The following BCL2L1 variants were observed in gnomAD, a reference collection of about 807,000 sequenced individuals.
The protein encoded by BCL2L1 is BCL2 like 1.
Under a neutral mutation model 18.7 loss-of-function variants are expected in BCL2L1, and 1 was observed. The observed-to-expected ratio is 0.05, with a 90% CI of 0.02 to 0.25. The LOEUF (loss-of-function observed/expected upper bound fraction) is 0.25, where lower values mean the gene tolerates loss of function less well. Ranked by LOEUF, BCL2L1 falls within the 10% of genes least tolerant of loss-of-function variation. BCL2L1 has a pLI of 1.00. For synonymous variants in BCL2L1, 103 were observed against 122.7 expected (o/e 0.84, Z 1.06); for missense variants, 207 against 304.9 (o/e 0.68, Z 2.39).
chr20:31,693,003 G>A (rs1388392397), intron 2 of BCL2L1, among the ~76,000 whole-genome samples: 3 of 149,958 alleles, frequency 2.0e-5, no homozygotes, highest in South Asian at 2.1e-4. Flanking sequence ...CCCAGGAGGC[G>A]GAGGTTGCAG....
intron 2 of BCL2L1, among the ~76,000 whole-genome samples, chr20:31,702,329 G>A (rs2061289526): frequency 6.6e-6 from 1 of 152,142 alleles, no homozygotes; most frequent in South Asian, 2.1e-4. Flanking sequence ...AGGCCTCAGA[G>A]GTTGGTAAGA....
intron 2 of BCL2L1, among the ~76,000 whole-genome samples, chr20:31,701,087 C>T (rs967744810): frequency 2.0e-5 from 3 of 152,010 alleles, no homozygotes; most frequent in African/African-American, 7.2e-5. Flanking sequence ...CGGAGTCTTG[C>T]TCTGTCGCCA....
At chr20:31,720,931 G>A (rs1414316862) in intron 2 of BCL2L1, 7 of 985,302 alleles carry the variant, frequency 7.1e-6, no homozygotes, top group African/African-American at 1.7e-5. Flanking sequence ...AGGCAATGAG[G>A]TGCAAAGTCC....
intron 2 of BCL2L1, chr20:31,720,533 AAAG>A: frequency 1.0e-6 from 1 of 985,400 alleles, no homozygotes; most frequent in Non-Finnish European, 1.2e-6. Context: ...GACCACTGGT[AAAG>A]AAGCTTTCAC....
intron 2 of BCL2L1, among the ~76,000 whole-genome samples, chr20:31,699,272 A>G (rs2061240094): frequency 6.6e-6 from 1 of 152,254 alleles, no homozygotes; most frequent in African/African-American, 2.4e-5. Context: ...CTCCAGCCTC[A>G]TTCTGAAGAG....
chr20:31,697,893 T>TTTTTTTTTTTTTGTTTGTTTGTTTG (rs1555871519), intron 2 of BCL2L1, among the ~76,000 whole-genome samples: 51 of 108,148 alleles, frequency 4.7e-4, no homozygotes, highest in Non-Finnish European at 7.5e-4. Flanking sequence ...GCTGTTGCTG[T>TTTTTTTTTTTTTGTTTGTTTGTTTG]TTTTTTTTTT....
chr20:31,703,358 T>C (rs1414213376), intron 2 of BCL2L1, among the ~76,000 whole-genome samples: 1 of 152,168 alleles, frequency 6.6e-6, no homozygotes, highest in Non-Finnish European at 1.5e-5. Flanking sequence ...TTTGTATTTT[T>C]AGTAGAGACG....
intron 2 of BCL2L1, among the ~76,000 whole-genome samples, chr20:31,709,927 C>T (rs1375677982): frequency 2.6e-5 from 4 of 151,322 alleles, no homozygotes; most frequent in Non-Finnish European, 5.9e-5. Flanking sequence ...CTCAAGTGAT[C>T]CACCTGCCTC....
intron 2 of BCL2L1, among the ~76,000 whole-genome samples, chr20:31,695,928 TC>T (rs1250098611): frequency 6.6e-6 from 1 of 152,186 alleles, no homozygotes; most frequent in Non-Finnish European, 1.5e-5. Flanking sequence ...TTTCCCTATA[TC>T]ACTAAATACT....
At chr20:31,671,314 T>A (rs2060665644) in intron 2 of BCL2L1, among the ~76,000 whole-genome samples, 11 of 152,054 alleles carry the variant, frequency 7.2e-5, no homozygotes, top group Non-Finnish European at 1.3e-4. Context: ...ATGCCCAGGC[T>A]AGTATCACTT....
At chr20:31,691,480 C>T (rs2061073837) in intron 2 of BCL2L1, among the ~76,000 whole-genome samples, 1 of 150,730 alleles carries the variant, frequency 6.6e-6, no homozygotes, top group Admixed American at 6.6e-5. Context: ...TGCCACTGTA[C>T]TCCAGCCTGG....
intron 2 of BCL2L1, among the ~76,000 whole-genome samples, chr20:31,709,840 C>CAAAAAAAA (rs56937786): frequency 1.5e-3 from 95 of 64,042 alleles, no homozygotes; most frequent in African/African-American, 1.9e-3. Flanking sequence ...GACTCCATCT[C>CAAAAAAAA]AAAAAAAAAA....
At chr20:31,709,840 CAAAAAA>C (rs56937786) in intron 2 of BCL2L1, among the ~76,000 whole-genome samples, 5 of 64,072 alleles carry the variant, frequency 7.8e-5, no homozygotes, top group South Asian at 1.2e-3. Flanking sequence ...GACTCCATCT[CAAAAAA>C]AAAAAAAAAA....
chr20:31,718,162 C>T (rs1364719173), intron 2 of BCL2L1, among the ~76,000 whole-genome samples: 1 of 152,144 alleles, frequency 6.6e-6, no homozygotes, highest in Non-Finnish European at 1.5e-5. Flanking sequence ...GCGGGAGAGA[C>T]AGATGGACAA....
At chr20:31,684,110 G>C (rs73903635) in intron 2 of BCL2L1, among the ~76,000 whole-genome samples, 4,617 of 152,254 alleles carry the variant, frequency 0.03, 198 homozygotes, top group African/African-American at 0.092. Flanking sequence ...AGCCAGTCCA[G>C]AATGGCCCAC....
upstream of BCL2L1, chr20:31,723,392 T>C (rs527318374): frequency 1.0e-6 from 1 of 985,338 alleles, no homozygotes; most frequent in Non-Finnish European, 1.2e-6. Flanking sequence ...GCCCCACAGC[T>C]GAGACCACGT....
chr20:31,680,384 CT>C (rs1046392598), intron 2 of BCL2L1, among the ~76,000 whole-genome samples: 16 of 152,210 alleles, frequency 1.1e-4, no homozygotes, highest in Admixed American at 8.5e-4. Context: ...GCATTCCCCC[CT>C]GGTTCCCTGG....
At chr20:31,675,427 G>C (rs1453084236) in intron 2 of BCL2L1, among the ~76,000 whole-genome samples, 1 of 152,164 alleles carries the variant, frequency 6.6e-6, no homozygotes, top group East Asian at 1.9e-4. Flanking sequence ...AAGATCGCTG[G>C]GAGATGGTAG....
intron 2 of BCL2L1, among the ~76,000 whole-genome samples, chr20:31,666,927 G>C (rs559142414): frequency 6.6e-6 from 1 of 152,220 alleles, no homozygotes; most frequent in South Asian, 2.1e-4. Context: ...AGCCCAGGGT[G>C]CAGCAGCCTG....
Sources: allele counts gnomAD v4.1 joint callset (sites outside exome capture counted in the v4.1 genomes callset), GRCh38; gene constraint gnomAD v4.1.1; transcripts MANE v1.5; gene names NCBI Gene and HGNC (gene_info 2026-07-23, HGNC 2026-07-21).